The following NRXN3 variants were observed in gnomAD, a reference collection of about 807,000 sequenced individuals.
NRXN3 encodes the protein neurexin 3, also known as neurexin III.
Under a neutral mutation model 137.6 loss-of-function variants are expected in NRXN3, and 32 were observed. The observed-to-expected ratio is 0.23, with a 90% CI of 0.18 to 0.31. The LOEUF (loss-of-function observed/expected upper bound fraction) is 0.31, where lower values mean the gene tolerates loss of function less well. NRXN3 is among the 10% of genes least tolerant of loss of function. The pLI, the probability that NRXN3 is intolerant of heterozygous loss-of-function variation, is 1.00. For synonymous variants in NRXN3, 798 were observed against 784.5 expected (o/e 1.02, Z -0.29); for missense variants, 1,574 against 2,062.5 (o/e 0.76, Z 4.59).
At chr14:79,187,099 C>G (rs942195061) in intron 15 of NRXN3, among the ~76,000 whole-genome samples, 1 of 152,118 alleles carries the variant, frequency 6.6e-6, no homozygotes, top group African/African-American at 2.4e-5. Flanking sequence ...CACCTAGAAC[C>G]AGCCTAAAAT....
At chr14:79,846,065 G>T (rs1331733012) in intron 20 of NRXN3, among the ~76,000 whole-genome samples, 1 of 152,046 alleles carries the variant, frequency 6.6e-6, no homozygotes, top group African/African-American at 2.4e-5. Context: ...TAACATCAAA[G>T]ATCACAGATC....
chr14:78,456,801 C>CTTTCTT (rs1340086974), intron 4 of NRXN3, among the ~76,000 whole-genome samples: 3 of 84,138 alleles, frequency 3.6e-5, no homozygotes, highest in African/African-American at 8.8e-5. Context: ...CTCTTTCTCT[C>CTTTCTT]TTTCTTTCTT....
At chr14:79,555,773 A>G (rs1238981967) in intron 16 of NRXN3, among the ~76,000 whole-genome samples, 1 of 152,110 alleles carries the variant, frequency 6.6e-6, no homozygotes, top group Non-Finnish European at 1.5e-5. Flanking sequence ...GTGCTATTTC[A>G]TTGTTGCTGG....
chr14:78,222,526 A>AG (rs2063973043), intron 1 of NRXN3, among the ~76,000 whole-genome samples: 1 of 152,156 alleles, frequency 6.6e-6, no homozygotes. Flanking sequence ...AGATAGTTTT[A>AG]GGGGGAGGTG....
chr14:78,867,294 T>C (rs555950005), intron 10 of NRXN3, among the ~76,000 whole-genome samples: 2 of 152,182 alleles, frequency 1.3e-5, no homozygotes, highest in South Asian at 4.1e-4. Context: ...GTTTCAAGTC[T>C]AATATATTTT....
chr14:78,826,205 G>A (rs1313662581), intron 10 of NRXN3, among the ~76,000 whole-genome samples: 13 of 152,136 alleles, frequency 8.5e-5, no homozygotes, highest in Non-Finnish European at 1.9e-4. Flanking sequence ...TCTAAAGGCA[G>A]AATGAAAGCT....
chr14:78,856,993 A>G (rs1230003494), intron 10 of NRXN3, among the ~76,000 whole-genome samples: 1 of 152,118 alleles, frequency 6.6e-6, no homozygotes, highest in East Asian at 1.9e-4. Context: ...TCAGCCTCCC[A>G]AAGTGCTGGG....
chr14:79,026,956 A>AAC (rs1568032906), intron 15 of NRXN3, among the ~76,000 whole-genome samples: 1 of 154 alleles, frequency 6.5e-3, no homozygotes, highest in Non-Finnish European at 0.02. Context: ...AATTTTATAT[A>AAC]TATATATATA....
At chr14:78,233,690 A>AG (rs1225195365) in intron 1 of NRXN3, among the ~76,000 whole-genome samples, 9 of 148,898 alleles carry the variant, frequency 6.0e-5, no homozygotes, top group African/African-American at 2.2e-4. Context: ...GTATGCTTCA[A>AG]AAAAAAAAAA....
At chr14:78,324,702 G>A (rs1349137537) in intron 4 of NRXN3, among the ~76,000 whole-genome samples, 1 of 152,104 alleles carries the variant, frequency 6.6e-6, no homozygotes, top group African/African-American at 2.4e-5. Flanking sequence ...TGCAGTGGAT[G>A]TAATATATCT....
intron 15 of NRXN3, among the ~76,000 whole-genome samples, chr14:79,455,940 A>C (rs1421423533): frequency 6.6e-6 from 1 of 151,876 alleles, no homozygotes; most frequent in Non-Finnish European, 1.5e-5. Flanking sequence ...AGTTCAGTTT[A>C]TTTATGTTTA....
Position 79,196,980 on chromosome 14 carries a change from T to TG in NRXN3, c.3262+208844dup, listed in dbSNP as rs745499802. ...TCTCAGCTGGGCTCACTCAAGGGTCTGGGGGTCAGTTGAGGTTCAGGTTAT... is the reference window on the plus strand; with the variant it reads ...TCTCAGCTGGGCTCACTCAAGGGTCTGGGGGGTCAGTTGAGGTTCAGGTTAT... On this transcript the variant is annotated intron_variant, in intron 15 of 20. Transcript: ENST00000335750. 8.7e-4 allele frequency among the ~76,000 whole-genome samples: 132 copies of TG among 152,118 alleles called. 1 individual carries two copies. The highest frequency in any genetic ancestry group is 8.4e-4 in the Non-Finnish European group (57 of 68,012).
intron 8 of NRXN3, among the ~76,000 whole-genome samples, chr14:78,771,041 C>T (rs2098726077): frequency 6.6e-6 from 1 of 152,138 alleles, no homozygotes; most frequent in Non-Finnish European, 1.5e-5. Context: ...GTTAATGCTC[C>T]CCTTATTTTA....
chr14:78,247,820 T>G (rs562050905), intron 2 of NRXN3, among the ~76,000 whole-genome samples: 2 of 152,220 alleles, frequency 1.3e-5, no homozygotes, highest in Non-Finnish European at 2.9e-5. Context: ...AAAACATTCT[T>G]GGTTATGAAT....
At chr14:79,064,725 A>C (rs879544030) in intron 15 of NRXN3, among the ~76,000 whole-genome samples, 1 of 88,884 alleles carries the variant, frequency 1.1e-5, no homozygotes, top group Non-Finnish European at 2.5e-5. Context: ...ATAATTACCC[A>C]TATATATGTA....
At chr14:78,528,326 A>G (rs1348002881) in intron 4 of NRXN3, among the ~76,000 whole-genome samples, 2 of 152,206 alleles carry the variant, frequency 1.3e-5, no homozygotes, top group Non-Finnish European at 2.9e-5. Flanking sequence ...CCTTCAGTGG[A>G]ATTCCCATTT....
chr14:78,853,158 G>T (rs1296359840), intron 10 of NRXN3, among the ~76,000 whole-genome samples: 1 of 152,036 alleles, frequency 6.6e-6, no homozygotes, highest in Non-Finnish European at 1.5e-5. Flanking sequence ...ATGTTGGTGT[G>T]CTGCACCCAT....
intron 10 of NRXN3, among the ~76,000 whole-genome samples, chr14:78,943,624 AT>A (rs2099358899): frequency 0.012 from 188 of 15,782 alleles, 18 homozygotes; most frequent in Non-Finnish European, 0.015. Flanking sequence ...AAAAAAAAAT[AT>A]ATATATATAT....
intron 15 of NRXN3, among the ~76,000 whole-genome samples, chr14:79,100,801 C>T (rs568464320): frequency 6.6e-6 from 1 of 152,258 alleles, no homozygotes; most frequent in African/African-American, 2.4e-5. Context: ...TACCTCTGGG[C>T]ACAGTCAAAA....
Sources: gnomAD v4.1 joint callset for allele counts (sites outside exome capture counted in the v4.1 genomes callset) on GRCh38, gnomAD v4.1.1 for gene constraint, MANE v1.5 for transcripts, NCBI Gene and HGNC (gene_info 2026-07-23, HGNC 2026-07-21) for gene names.